Variants in SYCE1 observed in about 807,000 individuals in gnomAD.
SYCE1 encodes cancer/testis antigen 76.
Under a neutral mutation model 55.1 loss-of-function variants are expected in SYCE1, and 37 were observed. The ratio of observed to expected loss-of-function variants is 0.67; its 90% CI spans 0.52 to 0.88. The LOEUF is 0.88. Ranked by LOEUF, SYCE1 falls within the 40% of genes least tolerant of loss-of-function variation. The pLI is 0.00. For synonymous variants in SYCE1, 163 were observed against 159.4 expected (o/e 1.02, Z -0.17); for missense variants, 399 against 416.4 (o/e 0.96, Z 0.36).
chr10:133,556,139 T>C (rs3747880), intron 8 of SYCE1, 92 bp from the exon 9 acceptor site: 215,438 of 1,444,678 alleles, frequency 0.15, 18,850 homozygotes, highest in African/African-American at 0.4. Flanking sequence ...ACTTACTCAC[T>C]ATGCCTCACT....
chr10:133,560,852 T>C (rs1229427303), intron 1 of SYCE1: 4 of 152,180 alleles, frequency 2.6e-5, no homozygotes, highest in South Asian at 2.1e-4. Context: ...GTAAAATAAA[T>C]ATCTGAAAAT....
At chr10:133,556,336 G>A in intron 8 of SYCE1, 1 of 552,230 alleles carries the variant, frequency 1.8e-6, no homozygotes, top group Non-Finnish European at 3.2e-6. Context: ...TTTTCTGGAG[G>A]ATCAGGTACC....
At chr10:133,567,209 G>C (rs1383928759), upstream of SYCE1, among the ~76,000 whole-genome samples, 1 of 151,702 alleles carries the variant, frequency 6.6e-6, no homozygotes, top group Non-Finnish European at 1.5e-5. Flanking sequence ...TAGGGGTTAG[G>C]GTTAGGGGTT....
chr10:133,567,317 G>T (rs1266788683), upstream of SYCE1, among the ~76,000 whole-genome samples: 1 of 151,606 alleles, frequency 6.6e-6, no homozygotes, highest in African/African-American at 2.4e-5. Context: ...TAGGGTTAAG[G>T]TTTAGGCTTA....
chr10:133,559,921 T>C, intron 2 of SYCE1, 170 bp downstream of exon 2: 1 of 652,644 alleles, frequency 1.5e-6, no homozygotes, highest in Non-Finnish European at 2.6e-6. Flanking sequence ...TTTGCTTCTT[T>C]AATTTTGAAA....
chr10:133,566,275 A>G (rs958840972), upstream of SYCE1, among the ~76,000 whole-genome samples: 1 of 152,250 alleles, frequency 6.6e-6, no homozygotes, highest in Non-Finnish European at 1.5e-5. Flanking sequence ...CTGGTTGTGA[A>G]GAGCCAGGGG....
At chr10:133,558,546 G>C in intron 4 of SYCE1, 2 of 526,604 alleles carry the variant, frequency 3.8e-6, no homozygotes, top group East Asian at 6.5e-5. Context: ...ATGGAGGCAG[G>C]GTGCCATCTT....
At chr10:133,557,814 T>C in intron 6 of SYCE1, 50 bp downstream of exon 6, 1 of 1,596,740 alleles carries the variant, frequency 6.3e-7, no homozygotes, top group Non-Finnish European at 8.6e-7. Context: ...CTTTCTGCTC[T>C]ACCAGAATAA....
At position 133,558,864 on chromosome 10, in the gene SYCE1, C is replaced by T; in HGVS notation, c.271+13G>A. 5 of 1,613,322 alleles carry T rather than the reference C, an allele frequency of 3.1e-6. No individual in the cohort carries two copies. The highest frequency in any genetic ancestry group is 4.2e-6 in the Non-Finnish European group (5 of 1,179,786). ...CACTGTGGGGACCTCTGGGTGACCC[C>T]CGGCTCTCTTACGCGAGTCCAGTTC... On this transcript the variant is annotated intron_variant, in intron 4 of 12. Transcript: ENST00000343131.
At chr10:133,553,917 T>C (rs1851585440), downstream of SYCE1, 1 of 170,882 alleles carries the variant, frequency 5.9e-6, no homozygotes. Flanking sequence ...AAGCTGACTA[T>C]TTATTAGTCT....
At position 133,557,774 on chromosome 10, in the gene SYCE1, G is replaced by A; in HGVS notation, c.374+90C>T. ...CATTGTTTAGAGGGAAACAATGAGA[G>A]CTGTGGGTCTCAGATTCATCTTCCT... On this transcript the variant is annotated intron_variant, in intron 6 of 12. Transcript: ENST00000343131. 2.8e-6 allele frequency: 4 copies of A among 1,422,516 alleles called. No homozygotes were observed. In the East Asian group the frequency reaches 9.2e-5, roughly 33 times the overall value. 88.1% of individuals were successfully genotyped at this position (1,422,516 alleles called of 1,614,324 possible). A position where few individuals can be genotyped will look rare whatever the true frequency, so the allele number is the denominator to read the frequency against.
intron 2 of SYCE1, chr10:133,559,624 G>A (rs1232326728): frequency 3.5e-5 from 17 of 485,680 alleles, no homozygotes; most frequent in African/African-American, 5.8e-5. Context: ...AGTGGGAAGT[G>A]CTCCTGAGAT....
chr10:133,555,657 G>C lies in SYCE1; in HGVS notation c.770C>G (p.Ala257Gly). Residue 257 changes from alanine to glycine, a missense_variant, in exon 11 of 13, where the codon GCT (alanine) becomes GGT (glycine). Physicochemically the swap from Ala to Gly is moderately conservative, Grantham distance 60. Coordinates refer to ENST00000343131, the MANE Select transcript of SYCE1 (RefSeq NM_001143764.3). ...HRKAEELLAA[A>G]AQRHQQLQQK... Reference sequence around the variant, plus strand: ...CTGCAGCTGCTGGTGGCGCTGGGCAGCAGCTGCTAGGAGCTCCTCAGCCTT... The same window carrying C: ...CTGCAGCTGCTGGTGGCGCTGGGCACCAGCTGCTAGGAGCTCCTCAGCCTT... 1 of 1,604,796 alleles carries C rather than the reference G, an allele frequency of 6.2e-7. No homozygotes were observed. The highest frequency in any genetic ancestry group is 8.5e-7 in the Non-Finnish European group (1 of 1,179,952).
At chr10:133,554,625 A>C (rs747795360), downstream of SYCE1, 2 of 718,190 alleles carry the variant, frequency 2.8e-6, no homozygotes, top group African/African-American at 1.7e-5. Flanking sequence ...ACCCCAGCTC[A>C]CTGATCCTCA....
intron 1 of SYCE1, among the ~76,000 whole-genome samples, chr10:133,562,871 C>T (rs886670944): frequency 3.3e-4 from 50 of 152,190 alleles, no homozygotes; most frequent in African/African-American, 1.2e-3. Context: ...TAAAATTGGT[C>T]TCCTGTGATC....
Position 133,565,519 on chromosome 10 carries a change from C to T in SYCE1, c.11G>A (p.Arg4Lys). Residue 4 changes from arginine to lysine, a missense_variant, in exon 1 of 13, where the codon AGG becomes AAG. By Grantham distance (26) the Arg-to-Lys change is conservative. Transcript: ENST00000343131. ...GGGCTCGGCCTTCGATGTCAGGGAC[C>T]TCCCCGCCATTTCCTCTCAGCTCGC... MAG[R>K]SLTSKAEPTA... 6.5e-7 allele frequency: 1 copy of T among 1,549,842 alleles called. No homozygotes were observed. Among genetic ancestry groups the T allele is most frequent in the Non-Finnish European group, 8.7e-7 (1 of 1,146,788 alleles).
In SYCE1 at chr10:133,555,574, G is replaced by A. The variant is rs771935055; in HGVS notation, c.830+23C>T. On this transcript the variant is annotated intron_variant, in intron 11 of 12. Transcript: ENST00000343131. Reference sequence around the variant, plus strand: ...CAGTCATCTTCCTGGTGGGGGTTGCGGGGACAGGGCCTCCACACGCACCTC... The same window carrying A: ...CAGTCATCTTCCTGGTGGGGGTTGCAGGGACAGGGCCTCCACACGCACCTC... 181 of 1,600,844 alleles carry A rather than the reference G, an allele frequency of 1.1e-4. 2 individuals carry two copies. The South Asian group carries it at 1.2e-3, about 11-fold the overall frequency.
rs1311785054 is a variant in SYCE1, at chr10:133,555,079, T to C, written c.969A>G (p.Ala323=). The change falls in exon 13 of 13, where the codon GCA becomes GCG. Residue 323 remains alanine (A), a synonymous_variant. Coordinates refer to ENST00000343131, the MANE Select transcript of SYCE1 (RefSeq NM_001143764.3). ...KGERPGAAHQ[A]GPDVLIGQED... is the part of the protein sequence containing the mutation. ...CCTGGCCTATGAGGACATCAGGCCC[T>C]GCTTGGTGTGCAGCTCCAGGTCTTT... is the stretch of plus-strand genomic sequence containing the variant. 4 of 1,551,430 alleles carry C rather than the reference T, an allele frequency of 2.6e-6. No individual in the cohort carries two copies. The highest frequency in any genetic ancestry group is 1.4e-5 in the African/African-American group (1 of 73,160).
At chr10:133,554,632 C>G, downstream of SYCE1, 1 of 722,632 alleles carries the variant, frequency 1.4e-6, no homozygotes, top group South Asian at 1.4e-5. Context: ...CTCACTGATC[C>G]TCATTTTTAA....
Sources: allele counts gnomAD v4.1 joint callset (sites outside exome capture counted in the v4.1 genomes callset), GRCh38; gene constraint gnomAD v4.1.1; transcripts MANE v1.5; gene names NCBI Gene and HGNC (gene_info 2026-07-23, HGNC 2026-07-21).